PDZD2: variants seen among roughly 807,000 people sequenced by gnomAD.
PDZD2 encodes the protein PDZ domain-containing protein 2.
In PDZD2, 90 loss-of-function variants were observed where a neutral mutation model predicts 220.7. The observed-to-expected ratio is 0.41, with a 90% CI of 0.34 to 0.49. The LOEUF is 0.49. Ranked by LOEUF, PDZD2 falls within the 20% of genes least tolerant of loss-of-function variation. PDZD2 has a pLI of 0.28. For missense variants in PDZD2, 3,174 were observed against 3,608.5 expected (o/e 0.88, Z 3.08); for synonymous variants, 1,375 against 1,450.5 (o/e 0.95, Z 1.18).
chr5:32,036,244 C>G (rs530105854), intron 6 of PDZD2, among the ~76,000 whole-genome samples: 1 of 152,280 alleles, frequency 6.6e-6, no homozygotes, highest in Admixed American at 6.5e-5. Flanking sequence ...CCACTGCACC[C>G]GGCCTCATCA....
chr5:32,002,709 A>C (rs1268368174), intron 5 of PDZD2, among the ~76,000 whole-genome samples: 4 of 119,894 alleles, frequency 3.3e-5, no homozygotes, highest in South Asian at 2.9e-4. Context: ...CCACCAACAC[A>C]CACACCCCAC....
At position 32,090,378 on chromosome 5, in the gene PDZD2, C is replaced by T. The variant is rs545608371; in HGVS notation, c.6930C>T (p.Asp2310=). 99 of 1,614,044 alleles carry T rather than the reference C, an allele frequency of 6.1e-5. No individual in the cohort carries two copies. The highest frequency in any genetic ancestry group is 3.3e-4 in the Middle Eastern group (2 of 6,084). The change falls in exon 20 of 25, where the codon GAC becomes GAT. Residue 2310 remains aspartate, a synonymous_variant. Transcript: ENST00000438447. The surrounding 1 kb of genome is among the most constrained non-coding windows in gnomAD (Gnocchi z 4.3). ...AGGAGACGAGCTGCCTAGTCACAGA[C>T]AAAATCAAAGTCACCAGACGACACT... The part of the protein sequence containing the change: ...SVQETSCLVT[D]KIKVTRRHYC...
At chr5:32,061,997 C>A (rs1739735619) in intron 14 of PDZD2, among the ~76,000 whole-genome samples, 1 of 152,152 alleles carries the variant, frequency 6.6e-6, no homozygotes, top group Admixed American at 6.5e-5. Context: ...TTCTCAAACT[C>A]CTGGGCTCAA....
chr5:32,069,710 C>A (rs930045833), intron 15 of PDZD2, 60 bp downstream of exon 15: 3 of 849,138 alleles, frequency 3.5e-6, no homozygotes, highest in Non-Finnish European at 6.1e-6. Context: ...AGTTCACCCA[C>A]AGGCACTCCC....
At chr5:32,015,690 C>T (rs1385989763) in intron 6 of PDZD2, among the ~76,000 whole-genome samples, 1 of 151,942 alleles carries the variant, frequency 6.6e-6, no homozygotes, top group African/African-American at 2.4e-5. Context: ...TAAATAATGT[C>T]TTTGAAAAAG....
chr5:31,708,890 T>G lies in PDZD2; in HGVS notation c.-361+69453T>G, dbSNP rs571011405. On this transcript the variant is annotated intron_variant, in intron 1 of 24. Transcript: ENST00000438447. ...TCAGCAAATGTGTTTTGTTTTTTTTTTTTTTTTAATTTTTTTAGATGGAGT... is the reference window on the plus strand; with the variant it reads ...TCAGCAAATGTGTTTTGTTTTTTTTGTTTTTTTAATTTTTTTAGATGGAGT... Among the ~76,000 whole-genome samples, 119 of 151,848 alleles carry G rather than the reference T, an allele frequency of 7.8e-4. 3 individuals are homozygous for G. The South Asian group carries it at 0.02, about 25-fold the overall frequency.
intron 1 of PDZD2, among the ~76,000 whole-genome samples, chr5:31,761,236 G>A (rs578238796): frequency 1.1e-4 from 16 of 152,270 alleles, no homozygotes; most frequent in Non-Finnish European, 1.8e-4. Context: ...TCACCCAAAC[G>A]GAAAAATAAC....
At chr5:32,002,894 AACACACACCCCCACC>A (rs1561314025) in intron 5 of PDZD2, among the ~76,000 whole-genome samples, 11 of 93,716 alleles carry the variant, frequency 1.2e-4, no homozygotes, top group East Asian at 3.7e-4. Flanking sequence ...CACACACACC[AACACACACCCCCACC>A]ACACACACAC....
chr5:31,882,597 A>C (rs1740028262), intron 2 of PDZD2, among the ~76,000 whole-genome samples: 2 of 152,220 alleles, frequency 1.3e-5, no homozygotes, highest in African/African-American at 4.8e-5. Flanking sequence ...AGCAAAGGTT[A>C]CATTAATAAA....
intron 5 of PDZD2, among the ~76,000 whole-genome samples, chr5:32,005,383 A>G (rs949361465): frequency 1.3e-5 from 2 of 152,208 alleles, no homozygotes; most frequent in Non-Finnish European, 2.9e-5. Flanking sequence ...TTGAATGAAT[A>G]AACTCAGAAT....
chr5:31,991,364 G>C (rs1193638851), intron 3 of PDZD2, among the ~76,000 whole-genome samples: 7 of 152,148 alleles, frequency 4.6e-5, no homozygotes. Context: ...CGGTGGATCT[G>C]GCATCTATTT....
rs1350346539 is a variant in PDZD2, at chr5:31,639,351, G to A, written c.-447G>A. ...CGGCGGCACCGGTGGTGGCCGCGGT[G>A]GCGGCAGCTGCGCGGGGACCCGCCG... On this transcript the variant is annotated 5_prime_UTR_variant, in exon 1 of 25. Coordinates refer to ENST00000438447, the MANE Select transcript of PDZD2 (RefSeq NM_178140.4). The surrounding 1 kb of genome is among the most constrained non-coding windows in gnomAD (Gnocchi z 4.1). 2.7e-5 allele frequency: 4 copies of A among 150,038 alleles called. No individual in the cohort carries two copies. Among genetic ancestry groups the A allele is most frequent in the Non-Finnish European group, 5.9e-5 (4 of 67,264 alleles). The allele number at this position is 150,038 out of a possible 1,614,324, so 9.3% of individuals were successfully genotyped here.
At chr5:31,719,192 T>C (rs1748634494) in intron 1 of PDZD2, among the ~76,000 whole-genome samples, 1 of 152,196 alleles carries the variant, frequency 6.6e-6, no homozygotes, top group African/African-American at 2.4e-5. Flanking sequence ...AGGTGGCCAA[T>C]AATTTGTGAG....
chr5:31,687,624 C>T (rs779734765), intron 1 of PDZD2, among the ~76,000 whole-genome samples: 1 of 152,128 alleles, frequency 6.6e-6, no homozygotes, highest in Non-Finnish European at 1.5e-5. Context: ...ATTTGTTATG[C>T]CATAACAAAA....
chr5:31,744,272 G>A (rs752305307), intron 1 of PDZD2: 2 of 152,134 alleles, frequency 1.3e-5, no homozygotes, highest in Admixed American at 6.5e-5. Context: ...TCGGTTCCTT[G>A]AAATTGGGCA....
intron 5 of PDZD2, among the ~76,000 whole-genome samples, chr5:32,002,608 CACACACCA>C (rs1752234236): frequency 7.0e-6 from 1 of 142,178 alleles, no homozygotes; most frequent in Admixed American, 7.1e-5. Context: ...ACACACCACA[CACACACCA>C]ACACACACCA....
At chr5:32,055,131 T>C (rs1355253955) in intron 10 of PDZD2, among the ~76,000 whole-genome samples, 1 of 152,214 alleles carries the variant, frequency 6.6e-6, no homozygotes, top group Non-Finnish European at 1.5e-5. Context: ...GGATTAAGAT[T>C]ATATACTTTT....
chr5:31,969,584 C>G (rs1263012586), intron 2 of PDZD2, among the ~76,000 whole-genome samples: 1 of 141,122 alleles, frequency 7.1e-6, no homozygotes, highest in East Asian at 2.2e-4. Context: ...GTAAGTGGCT[C>G]TAGAGATAGA....
intron 1 of PDZD2, among the ~76,000 whole-genome samples, chr5:31,702,968 G>A (rs1747666046): frequency 6.6e-6 from 1 of 152,228 alleles, no homozygotes; most frequent in African/African-American, 2.4e-5. Flanking sequence ...GAGAGGGCCT[G>A]ACTGAGGATG....
Sources: allele counts gnomAD v4.1 joint callset (sites outside exome capture counted in the v4.1 genomes callset), GRCh38; gene constraint gnomAD v4.1.1; non-coding constraint Gnocchi (gnomAD v3.1); transcripts MANE v1.5; gene names NCBI Gene and HGNC (gene_info 2026-07-23, HGNC 2026-07-21).